The following DPYS variants were observed in gnomAD, a reference collection of about 807,000 sequenced individuals.
DPYS encodes the protein dihydropyrimidine amidohydrolase.
Under a neutral mutation model 50.3 loss-of-function variants are expected in DPYS, and 39 were observed. The ratio of observed to expected loss-of-function variants is 0.78; its 90% CI spans 0.60 to 1.01. The LOEUF (loss-of-function observed/expected upper bound fraction) is 1.01. Among genes scored for constraint, DPYS ranks in the 50% least tolerant of loss-of-function variants. The probability of loss-of-function intolerance (pLI) is 0.00; values close to 1 mark genes in which losing one functional copy is unlikely to be tolerated. For synonymous variants in DPYS, 245 were observed against 250.7 expected (o/e 0.98, Z 0.22); for missense variants, 659 against 680.9 (o/e 0.97, Z 0.36).
intron 6 of DPYS, among the ~76,000 whole-genome samples, chr8:104,426,871 CA>C (rs369726181): frequency 5.1e-4 from 77 of 152,248 alleles, no homozygotes; most frequent in African/African-American, 1.7e-3. Flanking sequence ...CTTCATATAG[CA>C]ATTTTAAAAA....
intron 7 of DPYS, among the ~76,000 whole-genome samples, chr8:104,413,918 G>A (rs918769649): frequency 1.3e-5 from 2 of 152,194 alleles, no homozygotes; most frequent in African/African-American, 4.8e-5. Flanking sequence ...GAGAGGTCAG[G>A]TGATTGGGAT....
chr8:104,415,528 A>G (rs987605929), intron 7 of DPYS, among the ~76,000 whole-genome samples: 4 of 152,266 alleles, frequency 2.6e-5, no homozygotes, highest in African/African-American at 9.6e-5. Context: ...AGTGGTTAAA[A>G]TTGTATGCAT....
At chr8:104,410,159 T>C (rs188661735) in intron 7 of DPYS, among the ~76,000 whole-genome samples, 117 of 152,272 alleles carry the variant, frequency 7.7e-4, no homozygotes, top group African/African-American at 2.7e-3. Flanking sequence ...TCTCTTTCAG[T>C]CCATTTCCAA....
intron 8 of DPYS, among the ~76,000 whole-genome samples, chr8:104,389,602 C>A (rs1005375761): frequency 6.6e-6 from 1 of 151,542 alleles, no homozygotes; most frequent in Non-Finnish European, 1.5e-5. Context: ...GACCTTATCA[C>A]AAATCCTGGC....
intron 7 of DPYS, among the ~76,000 whole-genome samples, chr8:104,415,089 T>A (rs3793353): frequency 0.049 from 7,431 of 152,312 alleles, 204 homozygotes; most frequent in Middle Eastern, 0.12. Context: ...CATTTGTCCA[T>A]TAGTATCTGG....
chr8:104,395,885 C>A (rs1811568889), intron 7 of DPYS, among the ~76,000 whole-genome samples: 1 of 149,398 alleles, frequency 6.7e-6, no homozygotes, highest in African/African-American at 2.5e-5. Flanking sequence ...CCTTAGGAAC[C>A]AACTTATTGA....
chr8:104,453,973 T>G lies in DPYS; in HGVS notation c.265-2569A>C, dbSNP rs543597243. Among the ~76,000 whole-genome samples, 79 of 152,340 alleles carry G rather than the reference T, an allele frequency of 5.2e-4. 3 individuals carry two copies. In the South Asian group the frequency reaches 0.016, roughly 31 times the overall value. On this transcript the variant is annotated intron_variant, in intron 1 of 9. Transcript: ENST00000351513. ...AATATATTGTGTGATTCTATTTATA[T>G]GAAATGTCCAGAAGAGGCAAATCCA... is the stretch of plus-strand genomic sequence containing the variant.
chr8:104,386,813 A>C (rs1178582524), intron 8 of DPYS, among the ~76,000 whole-genome samples: 1 of 151,906 alleles, frequency 6.6e-6, no homozygotes, highest in Non-Finnish European at 1.5e-5. Context: ...TTTTTAGTAG[A>C]AAGGGGGTTT....
chr8:104,381,534 A>C, intron 8 of DPYS: 4 of 495,802 alleles, frequency 8.1e-6, no homozygotes, highest in Non-Finnish European at 1.5e-5. Context: ...ACAGAGGCCC[A>C]GGGACACTCA....
At position 104,384,275 on chromosome 8, in the gene DPYS, C is replaced by T. The variant is rs150175479; in HGVS notation, c.1444-2961G>A. On this transcript the variant is annotated intron_variant, in intron 8 of 9. Transcript: ENST00000351513. ...CTCTCAAGCCTCTCAGCCCTTTTAA[C>T]CTTTTAATATTTGCTCATCCTTAGA... 6.5e-3 allele frequency among the ~76,000 whole-genome samples: 996 copies of T among 152,326 alleles called. 5 individuals carry two copies. The highest frequency in any genetic ancestry group is 9.4e-3 in the Non-Finnish European group (637 of 68,032).
intron 7 of DPYS, among the ~76,000 whole-genome samples, chr8:104,404,324 C>A (rs930127407): frequency 6.6e-6 from 1 of 152,124 alleles, no homozygotes; most frequent in Non-Finnish European, 1.5e-5. Context: ...GACAATCAGT[C>A]AGTAACCATG....
intron 8 of DPYS, among the ~76,000 whole-genome samples, chr8:104,392,402 G>T (rs1347971656): frequency 6.6e-6 from 1 of 151,962 alleles, no homozygotes; most frequent in Non-Finnish European, 1.5e-5. Context: ...CAATCTGAGG[G>T]CTCTCCCAAT....
intron 1 of DPYS, among the ~76,000 whole-genome samples, chr8:104,457,177 T>G (rs1813954287): frequency 6.6e-6 from 1 of 152,190 alleles, no homozygotes; most frequent in South Asian, 2.1e-4. Flanking sequence ...GGGGCCATTA[T>G]GAAGTAAAAT....
intron 8 of DPYS, among the ~76,000 whole-genome samples, chr8:104,392,014 C>T (rs150007637): frequency 6.6e-6 from 1 of 152,198 alleles, no homozygotes; most frequent in East Asian, 1.9e-4. Context: ...CAAGGAGGAT[C>T]GAGAAACTTG....
At chr8:104,425,805 T>C (rs556589809) in intron 6 of DPYS, among the ~76,000 whole-genome samples, 1 of 152,278 alleles carries the variant, frequency 6.6e-6, no homozygotes, top group African/African-American at 2.4e-5. Flanking sequence ...CCTATTTATA[T>C]GGTAAGAGGG....
intron 7 of DPYS, among the ~76,000 whole-genome samples, chr8:104,399,317 C>CAA (rs1168182202): frequency 1.3e-4 from 16 of 125,292 alleles, no homozygotes; most frequent in South Asian, 2.5e-4. Flanking sequence ...AAAACAACAA[C>CAA]AAAAAAAAAC....
intron 7 of DPYS, among the ~76,000 whole-genome samples, chr8:104,410,486 G>A (rs1193076733): frequency 6.6e-6 from 1 of 152,118 alleles, no homozygotes; most frequent in Non-Finnish European, 1.5e-5. Flanking sequence ...TAAACTGAGA[G>A]CGCTTCCAAG....
At chr8:104,451,512 C>T (rs904828963) in intron 1 of DPYS, 108 bp from the exon 2 acceptor site, 4 of 1,408,636 alleles carry the variant, frequency 2.8e-6, no homozygotes, top group African/African-American at 1.4e-5. Context: ...CTCGATGGGT[C>T]CAGGAAATTG....
chr8:104,462,889 C>T (rs1246051508), intron 1 of DPYS, among the ~76,000 whole-genome samples: 1 of 152,222 alleles, frequency 6.6e-6, no homozygotes, highest in East Asian at 1.9e-4. Flanking sequence ...TAAAGCAGAA[C>T]ATTATTTCCA....
Sources: gnomAD v4.1 joint callset for allele counts (sites outside exome capture counted in the v4.1 genomes callset) on GRCh38, gnomAD v4.1.1 for gene constraint, MANE v1.5 for transcripts, NCBI Gene and HGNC (gene_info 2026-07-23, HGNC 2026-07-21) for gene names.